NRCAM: variants seen among roughly 807,000 people sequenced by gnomAD.
The protein encoded by NRCAM is NgCAM-related cell adhesion molecule.
Under a neutral mutation model 156.5 loss-of-function variants are expected in NRCAM, and 83 were observed. That is an observed-to-expected ratio of 0.53 (90% CI 0.44 to 0.64). The LOEUF is 0.64. Among genes scored for constraint, NRCAM ranks in the 30% least tolerant of loss-of-function variants. The probability of loss-of-function intolerance (pLI) is 0.00; values close to 1 mark genes in which losing one functional copy is unlikely to be tolerated. For missense variants in NRCAM, 1,417 were observed against 1,597.3 expected, an observed-to-expected ratio of 0.89 and a Z score of 1.92; for synonymous variants, 538 against 563.9, an observed-to-expected ratio of 0.95 and a Z score of 0.65.
chr7:108,319,139 T>C (rs2098969312), intron 2 of NRCAM, among the ~76,000 whole-genome samples: 1 of 152,218 alleles, frequency 6.6e-6, no homozygotes, highest in Non-Finnish European at 1.5e-5. Flanking sequence ...TCTCAAATTT[T>C]GTGCTATATA....
chr7:108,180,472 C>G, intron 24 of NRCAM, 45 bp from the exon 25 acceptor site: 1 of 1,469,758 alleles, frequency 6.8e-7, no homozygotes, highest in Non-Finnish European at 9.5e-7. Flanking sequence ...AAGGAGCAAA[C>G]AAGATTCCTT....
At position 108,355,306 on chromosome 7, in the gene NRCAM, G is replaced by A. The variant is rs564239308; in HGVS notation, c.-173-42575C>T. 4.0e-4 allele frequency among the ~76,000 whole-genome samples: 61 copies of A among 152,306 alleles called. 1 individual carries two copies. The highest frequency in any genetic ancestry group is 3.4e-3 in the Middle Eastern group (1 of 294). ...GAGAATACTTGTTATCCCTGGTGAG[G>A]AGCATAAGTTTAAAGAAGACGTGGG... is the stretch of plus-strand genomic sequence containing the variant. On this transcript the variant is annotated intron_variant, in intron 2 of 32. Transcript: ENST00000379028.
Position 108,156,279 on chromosome 7 carries a change from C to A in NRCAM, c.3677+3184G>T, listed in dbSNP as rs1054544628. On this transcript the variant is annotated intron_variant, in intron 32 of 32. Transcript: ENST00000379028. ...GACAAGATTCATGTGGCAAGAGCCA[C>A]CAATTATGTAGTAAGTTATGAGTTC... is the stretch of plus-strand genomic sequence containing the variant. The A allele has an allele frequency of 1.2e-5, 12 of 984,868 alleles. No homozygotes were observed. The African/African-American group carries it at 1.9e-4, about 16-fold the overall frequency. 61.0% of individuals were successfully genotyped at this position (984,868 alleles called of 1,614,324 possible). A position where few individuals can be genotyped will look rare whatever the true frequency, so the allele number is the denominator to read the frequency against.
At chr7:108,168,491 T>G in intron 28 of NRCAM, 89 bp from the exon 29 acceptor site, 5 of 1,154,332 alleles carry the variant, frequency 4.3e-6, no homozygotes, top group Non-Finnish European at 5.6e-6. Flanking sequence ...TCTGAAATTG[T>G]GCAAATAGAA....
chr7:108,237,674 A>G, intron 5 of NRCAM, 78 bp downstream of exon 5: 1 of 1,093,402 alleles, frequency 9.1e-7, no homozygotes, highest in East Asian at 2.7e-5. Context: ...TTGTGCATTT[A>G]AATCACAATA....
chr7:108,404,842 A>G (rs1023477890), intron 1 of NRCAM, among the ~76,000 whole-genome samples: 1 of 152,200 alleles, frequency 6.6e-6, no homozygotes, highest in African/African-American at 2.4e-5. Flanking sequence ...AAGTTGTTGG[A>G]TTTGTTGCTA....
intron 30 of NRCAM, among the ~76,000 whole-genome samples, chr7:108,162,546 A>G (rs1173130929): frequency 6.6e-6 from 1 of 152,248 alleles, no homozygotes; most frequent in East Asian, 1.9e-4. Flanking sequence ...CAAGATACTC[A>G]GGTACTAGCA....
At chr7:108,429,907 G>A (rs1199531514) in intron 1 of NRCAM, among the ~76,000 whole-genome samples, 1 of 152,222 alleles carries the variant, frequency 6.6e-6, no homozygotes, top group Non-Finnish European at 1.5e-5. Flanking sequence ...AGGGTCAGCA[G>A]CTTAGATCTC....
intron 3 of NRCAM, among the ~76,000 whole-genome samples, chr7:108,270,467 C>A (rs556598854): frequency 6.6e-6 from 1 of 152,290 alleles, no homozygotes; most frequent in East Asian, 1.9e-4. Flanking sequence ...TGCTGAATTT[C>A]TGCTATTGAG....
intron 3 of NRCAM, among the ~76,000 whole-genome samples, chr7:108,247,635 A>C (rs578217405): frequency 7.0e-6 from 1 of 142,244 alleles, no homozygotes; most frequent in South Asian, 2.4e-4. Flanking sequence ...ATTGTAAATT[A>C]TGCCTAATTT....
At chr7:108,265,004 C>G (rs537284596) in intron 3 of NRCAM, among the ~76,000 whole-genome samples, 16 of 152,330 alleles carry the variant, frequency 1.1e-4, no homozygotes, top group Admixed American at 6.5e-4. Context: ...GGATGTGAAG[C>G]CCCATCAAGT....
chr7:108,189,675 G>A lies in NRCAM; in HGVS notation c.2005C>T (p.Pro669Ser). ...LDKSVQLSWT[P>S]GDDNNSPITK... is the part of the protein sequence containing the mutation. ...ATGGGGCTATTGTTGTCATCGCCTG[G>A]GGTCCATGACAGCTGAACACTTTTG... The change falls in exon 20 of 33, where the codon CCA (proline) becomes TCA (serine). Residue 669 changes from proline (P) to serine (S), a missense_variant. Pro to Ser is a moderately conservative substitution (Grantham distance 74). Around this residue, in one of 2 missense-constraint regions of NRCAM, gnomAD observed 1,238 missense variants for 1,336.4 expected, o/e 0.93. Transcript: ENST00000379028. 6.6e-7 allele frequency: 1 copy of A among 1,510,586 alleles called. No homozygotes were observed. The highest frequency in any genetic ancestry group is 9.2e-7 in the Non-Finnish European group (1 of 1,088,382). The allele number at this position is 1,510,586 out of a possible 1,614,324, so 93.6% of individuals were successfully genotyped here. A position where few individuals can be genotyped will look rare whatever the true frequency, so the allele number is the denominator to read the frequency against.
At chr7:108,299,114 A>AAAAAAAAAAAAGAAAAAAAG in intron 3 of NRCAM, among the ~76,000 whole-genome samples, 1 of 25,512 alleles carries the variant, frequency 3.9e-5, no homozygotes, top group Non-Finnish European at 8.0e-5. Flanking sequence ...TCAAAAAAAA[A>AAAAAAAAAAAAGAAAAAAAG]AAAGAAAGAA....
intron 3 of NRCAM, among the ~76,000 whole-genome samples, chr7:108,260,897 T>A (rs1323769433): frequency 6.6e-6 from 1 of 152,054 alleles, no homozygotes; most frequent in Admixed American, 6.6e-5. Context: ...TTATGTGGGG[T>A]GTTCTCATAT....
chr7:108,439,832 C>CAAAAAAAAA (rs34432715), intron 1 of NRCAM, among the ~76,000 whole-genome samples: 2 of 70,410 alleles, frequency 2.8e-5, no homozygotes, highest in African/African-American at 5.5e-5. Flanking sequence ...GACTCCGTCA[C>CAAAAAAAAA]AAAAAAAAAA....
At chr7:108,324,237 T>C (rs1031330347) in intron 2 of NRCAM, among the ~76,000 whole-genome samples, 14 of 150,762 alleles carry the variant, frequency 9.3e-5, no homozygotes, top group Non-Finnish European at 1.6e-4. Flanking sequence ...GCTCTTACAA[T>C]AGTCCAGAGC....
chr7:108,192,897 A>G (rs1354869772), intron 17 of NRCAM, among the ~76,000 whole-genome samples: 1 of 152,242 alleles, frequency 6.6e-6, no homozygotes, highest in Non-Finnish European at 1.5e-5. Context: ...TGCTCAGTAG[A>G]TCAAAAAATT....
At position 108,150,019 on chromosome 7, in the gene NRCAM, T is replaced by A. The variant is rs2040327899; in HGVS notation, c.3806A>T (p.Asp1269Val). 1 of 1,614,104 alleles carries A rather than the reference T, an allele frequency of 6.2e-7. No homozygotes were observed. The highest frequency in any genetic ancestry group is 8.5e-7 in the Non-Finnish European group (1 of 1,179,958). Reference sequence around the variant, plus strand: ...ACTGTATTGTCCAATAAAGGAGCCATCCTCATTGAACTGGCCATTAACCCC... The same window carrying A: ...ACTGTATTGTCCAATAAAGGAGCCAACCTCATTGAACTGGCCATTAACCCC... ...GEGVNGQFNE[D>V]GSFIGQYSGK... The change falls in exon 33 of 33, where the codon GAT becomes GTT. Residue 1269 changes from aspartate (D) to valine (V), a missense_variant. Physicochemically the swap from Asp to Val is radical, Grantham distance 152 (BLOSUM62 -3). Transcript: ENST00000379028.
chr7:108,281,578 G>C (rs1464811560), intron 3 of NRCAM, among the ~76,000 whole-genome samples: 1 of 152,192 alleles, frequency 6.6e-6, no homozygotes, highest in Non-Finnish European at 1.5e-5. Context: ...ATGGCAGAGG[G>C]GTCTAGCTGG....
Sources: gnomAD v4.1 joint callset for allele counts (sites outside exome capture counted in the v4.1 genomes callset) on GRCh38, gnomAD v4.1.1 for gene constraint, gnomAD v4.1.1 regional missense constraint, MANE v1.5 for transcripts, NCBI Gene and HGNC (gene_info 2026-07-23, HGNC 2026-07-21) for gene names.